SOS1: variants seen among roughly 807,000 people sequenced by gnomAD.
SOS1 encodes SOS Ras/Rac guanine nucleotide exchange factor 1.
In SOS1, 25 loss-of-function variants were observed where a neutral mutation model predicts 157.6. The ratio of observed to expected loss-of-function variants is 0.16; its 90% CI spans 0.12 to 0.22. SOS1 has a LOEUF of 0.22. SOS1 is among the 10% of genes least tolerant of loss of function. The probability of loss-of-function intolerance (pLI) is 1.00; values close to 1 mark genes in which losing one functional copy is unlikely to be tolerated. For synonymous variants in SOS1, 528 were observed against 534.0 expected (o/e 0.99, Z 0.16); for missense variants, 1,237 against 1,599.1 (o/e 0.77, Z 3.86).
At chr2:39,076,096 G>GA (rs367908305) in intron 1 of SOS1, among the ~76,000 whole-genome samples, 1 of 151,986 alleles carries the variant, frequency 6.6e-6, no homozygotes, top group African/African-American at 2.4e-5. Flanking sequence ...GGACATAGAT[G>GA]AAAAAAAATC....
chr2:39,066,224 G>A lies in SOS1; in HGVS notation c.213+1404C>T, dbSNP rs182421373. 1.6e-3 allele frequency among the ~76,000 whole-genome samples: 249 copies of A among 152,252 alleles called. 2 individuals are homozygous for A. The highest frequency in any genetic ancestry group is 5.4e-3 in the African/African-American group (226 of 41,542). On this transcript the variant is annotated intron_variant, in intron 2 of 22. Transcript: ENST00000402219. The stretch of plus-strand genomic sequence containing the variant: ...TGTTGTGTCCTGAAAAGGTTGCAAA[G>A]CACTGCCATTACCAGTTTTTACAAT...
At chr2:39,003,048 T>A (rs1173906580) in intron 17 of SOS1, among the ~76,000 whole-genome samples, 1 of 143,220 alleles carries the variant, frequency 7.0e-6, no homozygotes, top group African/African-American at 2.9e-5. Flanking sequence ...GCCTGGGTGA[T>A]AAAGTGAGAC....
intron 10 of SOS1, among the ~76,000 whole-genome samples, chr2:39,015,243 A>T (rs1210587857): frequency 6.6e-6 from 1 of 151,866 alleles, no homozygotes; most frequent in African/African-American, 2.4e-5. Flanking sequence ...ACTTTTCCTT[A>T]CATCAAGATG....
chr2:39,019,934 T>C (rs374428136), intron 10 of SOS1, among the ~76,000 whole-genome samples: 1 of 151,570 alleles, frequency 6.6e-6, no homozygotes, highest in South Asian at 2.1e-4. Context: ...AAGGAAGTAA[T>C]TTATTTATTT....
At chr2:38,998,843 A>T (rs1184284149) in intron 17 of SOS1, among the ~76,000 whole-genome samples, 1 of 152,172 alleles carries the variant, frequency 6.6e-6, no homozygotes, top group Non-Finnish European at 1.5e-5. Flanking sequence ...CCACATGTGT[A>T]CGGATTCTCT....
chr2:39,035,330 A>C lies in SOS1; in HGVS notation c.976-20T>G. The C allele has an allele frequency of 8.1e-6, 13 of 1,607,778 alleles. No individual in the cohort carries two copies. Among genetic ancestry groups the C allele is most frequent in the South Asian group, 1.1e-5 (1 of 90,932 alleles). On this transcript the variant is annotated intron_variant, in intron 7 of 22. Coordinates refer to ENST00000402219, the MANE Select transcript of SOS1 (RefSeq NM_005633.4). ...TATTGACTGGAAAAAAAAGTGATTT[A>C]ATTTTTTTTTTAAGTTTACTTTTCA...
chr2:39,026,412 G>C (rs1033299664), intron 8 of SOS1, among the ~76,000 whole-genome samples: 23 of 150,142 alleles, frequency 1.5e-4, no homozygotes, highest in African/African-American at 5.7e-4. Context: ...AACATAAAAA[G>C]GGTAACGAAA....
chr2:39,018,482 A>AT (rs899546912), intron 10 of SOS1, among the ~76,000 whole-genome samples: 10 of 151,622 alleles, frequency 6.6e-5, no homozygotes, highest in African/African-American at 2.4e-4. Flanking sequence ...AGCTGTAGTT[A>AT]TTTTTTTCTG....
chr2:39,014,702 T>TC, intron 11 of SOS1, 63 bp downstream of exon 11: 1 of 876,948 alleles, frequency 1.1e-6, no homozygotes, highest in Non-Finnish European at 1.9e-6. Context: ...CTGAAAAGGA[T>TC]CTTAGCTCAA....
chr2:39,024,322 T>C (rs1173472308), intron 8 of SOS1, among the ~76,000 whole-genome samples, 185 bp from the exon 9 acceptor site: 3 of 152,180 alleles, frequency 2.0e-5, no homozygotes. Flanking sequence ...CCAAGTTTTC[T>C]ACATTAAAAG....
chr2:39,031,378 A>T (rs1000330743), intron 8 of SOS1, among the ~76,000 whole-genome samples: 1 of 152,166 alleles, frequency 6.6e-6, no homozygotes, highest in African/African-American at 2.4e-5. Flanking sequence ...TGTATAAGGA[A>T]CAAAGAAAAA....
intron 15 of SOS1, among the ~76,000 whole-genome samples, chr2:39,007,822 CAA>C (rs1669329326): frequency 1.3e-5 from 2 of 152,130 alleles, no homozygotes; most frequent in African/African-American, 4.8e-5. Context: ...CACATACACA[CAA>C]ACACACACAT....
At chr2:39,103,635 A>G (rs923409640) in intron 1 of SOS1, among the ~76,000 whole-genome samples, 2 of 152,342 alleles carry the variant, frequency 1.3e-5, no homozygotes, top group Middle Eastern at 3.4e-3. Context: ...AAACACAAAA[A>G]TTAACTGAAA....
At chr2:39,024,186 A>G in intron 8 of SOS1, 49 bp from the exon 9 acceptor site, 1 of 1,458,814 alleles carries the variant, frequency 6.9e-7, no homozygotes, top group Admixed American at 1.7e-5. Context: ...TTTTTGGATA[A>G]AATAATAATA....
chr2:39,102,818 G>C (rs1163127047), intron 1 of SOS1, among the ~76,000 whole-genome samples: 1 of 152,004 alleles, frequency 6.6e-6, no homozygotes, highest in African/African-American at 2.4e-5. Context: ...TGTGTGGTGT[G>C]GTGGCATGCA....
chr2:39,089,221 G>C (rs1672491366), intron 1 of SOS1, among the ~76,000 whole-genome samples: 1 of 152,146 alleles, frequency 6.6e-6, no homozygotes, highest in Non-Finnish European at 1.5e-5. Flanking sequence ...TCATAAAGTA[G>C]TGTTCAAAAG....
chr2:38,998,837 A>C (rs1025267300), intron 17 of SOS1, among the ~76,000 whole-genome samples: 2 of 152,142 alleles, frequency 1.3e-5, no homozygotes, highest in Admixed American at 1.3e-4. Context: ...CACTCCCCAC[A>C]TGTGTACGGA....
chr2:39,095,328 C>A lies in SOS1; in HGVS notation c.87+25008G>T, dbSNP rs995640270. 5.3e-5 allele frequency among the ~76,000 whole-genome samples: 8 copies of A among 152,142 alleles called. No homozygotes were observed. The South Asian group carries it at 1.7e-3, about 32-fold the overall frequency. On this transcript the variant is annotated intron_variant, in intron 1 of 22. Transcript: ENST00000402219. Reference sequence around the variant, plus strand: ...CTAGAGACTCCAGTTTGAGAAACTACTTGAGGACTGGTAGATGGGTACAGG... The same window carrying A: ...CTAGAGACTCCAGTTTGAGAAACTAATTGAGGACTGGTAGATGGGTACAGG...
chr2:39,069,224 A>AG (rs1671707610), intron 1 of SOS1, among the ~76,000 whole-genome samples: 2 of 104,850 alleles, frequency 1.9e-5, no homozygotes, highest in East Asian at 2.5e-4. Flanking sequence ...AAAAAAAAAA[A>AG]GCCCAGTAGG....
Sources: allele counts gnomAD v4.1 joint callset (sites outside exome capture counted in the v4.1 genomes callset), GRCh38; gene constraint gnomAD v4.1.1; transcripts MANE v1.5; gene names NCBI Gene and HGNC (gene_info 2026-07-23, HGNC 2026-07-21).